ANO7: variants seen among roughly 807,000 people sequenced by gnomAD.
The protein encoded by ANO7 is anoctamin 7.
ANO7 carries 114 observed loss-of-function variants against 115.8 expected under a neutral mutation model. The ratio of observed to expected loss-of-function variants is 0.98; its 90% CI spans 0.85 to 1.15. The LOEUF is 1.15. Ranked by LOEUF, ANO7 falls within the 50% of genes most tolerant of loss-of-function variation. The pLI is 0.00. For missense variants in ANO7, 1,302 were observed against 1,201.2 expected (o/e 1.08, Z -1.24); for synonymous variants, 550 against 498.2 (o/e 1.10, Z -1.38).
At chr2:241,227,328 C>T (rs181622884), downstream of ANO7, 2 of 152,638 alleles carry the variant, frequency 1.3e-5, no homozygotes, top group African/African-American at 4.8e-5. Context: ...TATAAAATTC[C>T]AGTGTCATCC....
chr2:241,235,203 G>A, the ANO7 span: 16 of 1,614,086 alleles, frequency 9.9e-6, no homozygotes, highest in South Asian at 2.2e-5. Flanking sequence ...AGCGAGGCCC[G>A]TGATGGCGAT....
intron 22 of ANO7, 186 bp downstream of exon 22, chr2:241,223,462 AC>A (rs1207230569): frequency 9.7e-7 from 1 of 1,026,588 alleles, no homozygotes; most frequent in Non-Finnish European, 1.5e-6. Context: ...TGTGGTGTGG[AC>A]ATTGTGGGTG....
the ANO7 span, among the ~76,000 whole-genome samples, chr2:241,232,523 G>A: frequency 3.9e-5 from 6 of 152,140 alleles, no homozygotes; most frequent in African/African-American, 7.2e-5. Flanking sequence ...GGATCCACCC[G>A]CCTCGGCCTC....
At chr2:241,200,284 T>C in intron 6 of ANO7, 59 bp downstream of exon 6, 1 of 1,574,288 alleles carries the variant, frequency 6.4e-7, no homozygotes, top group African/African-American at 1.4e-5. Context: ...AGTCGGTGAA[T>C]GAGTGAGCGG....
intron 18 of ANO7, 119 bp downstream of exon 18, chr2:241,215,021 C>A: frequency 1.1e-6 from 1 of 936,390 alleles, no homozygotes; most frequent in Non-Finnish European, 1.6e-6. Context: ...AGGCACCTTG[C>A]CTGGGGAGGG....
intron 6 of ANO7, 75 bp downstream of exon 6, chr2:241,200,300 G>C: frequency 1.3e-6 from 2 of 1,550,872 alleles, no homozygotes; most frequent in Non-Finnish European, 1.7e-6. Flanking sequence ...AGCGGAACTT[G>C]GTGCTTCCCC....
intron 4 of ANO7, among the ~76,000 whole-genome samples, chr2:241,196,513 T>C (rs2068333551): frequency 6.6e-6 from 1 of 152,242 alleles, no homozygotes; most frequent in African/African-American, 2.4e-5. Flanking sequence ...ACCTGTCCTC[T>C]CCCTCTCCAC....
At chr2:241,213,592 C>A (rs1421973248) in intron 17 of ANO7, among the ~76,000 whole-genome samples, 1 of 152,200 alleles carries the variant, frequency 6.6e-6, no homozygotes, top group East Asian at 1.9e-4. Context: ...GCCCTCAAAA[C>A]TGTTCCCGAC....
intron 1 of ANO7, among the ~76,000 whole-genome samples, chr2:241,189,731 T>G (rs2068143478): frequency 6.6e-6 from 1 of 152,170 alleles, no homozygotes; most frequent in African/African-American, 2.4e-5. Flanking sequence ...CTGGGCCTTC[T>G]CAGGCTCCAC....
Position 241,224,346 on chromosome 2 carries a change from G to A in ANO7, c.*193G>A, listed in dbSNP as rs2149282547. The A allele has an allele frequency of 1.6e-6, 1 of 631,482 alleles. No homozygotes were observed. The highest frequency in any genetic ancestry group is 2.7e-6 in the Non-Finnish European group (1 of 368,336). 39.1% of individuals were successfully genotyped at this position (631,482 alleles called of 1,614,324 possible). Reference sequence around the variant, plus strand: ...CAGAGCGCCTGTCACTCCATCCCCGGCAGGGAGGGACCGTCAGCTCACAAG... The same window carrying A: ...CAGAGCGCCTGTCACTCCATCCCCGACAGGGAGGGACCGTCAGCTCACAAG... On this transcript the variant is annotated 3_prime_UTR_variant, in exon 25 of 25. Coordinates refer to ENST00000674324, the MANE Select transcript of ANO7 (RefSeq NM_001370694.2).
At chr2:241,234,110 C>T in the ANO7 span, 19 of 817,414 alleles carry the variant, frequency 2.3e-5, no homozygotes, top group East Asian at 5.2e-5. Flanking sequence ...CTCTCTGGTC[C>T]GACCTCTGCC....
intron 4 of ANO7, among the ~76,000 whole-genome samples, chr2:241,198,837 T>C (rs74772986): frequency 0.047 from 7,131 of 152,296 alleles, 398 homozygotes; most frequent in African/African-American, 0.12. Flanking sequence ...CATGTGAACA[T>C]AGACAGTAGT....
intron 3 of ANO7, among the ~76,000 whole-genome samples, chr2:241,194,472 G>A (rs1010876102): frequency 1.6e-4 from 24 of 151,694 alleles, no homozygotes; most frequent in African/African-American, 5.8e-4. Flanking sequence ...CGGCCACCAC[G>A]CCCAGCTAAT....
chr2:241,213,519 C>A (rs559718111), intron 17 of ANO7, among the ~76,000 whole-genome samples: 1 of 152,242 alleles, frequency 6.6e-6, no homozygotes, highest in Non-Finnish European at 1.5e-5. Flanking sequence ...AAGTAACTGA[C>A]GTGTGCATCA....
intron 1 of ANO7, among the ~76,000 whole-genome samples, chr2:241,189,633 C>T (rs1440682470): frequency 2.6e-5 from 4 of 152,100 alleles, no homozygotes; most frequent in Non-Finnish European, 4.4e-5. Context: ...CGAAGGCAGG[C>T]GACTTGAGGG....
At chr2:241,214,949 C>A in intron 18 of ANO7, 47 bp downstream of exon 18, 2 of 1,551,824 alleles carry the variant, frequency 1.3e-6, no homozygotes. Flanking sequence ...ACCGAGGGAC[C>A]CCAGAGCACC....
Position 241,203,974 on chromosome 2 carries a change from G to A in ANO7, c.889+476G>A, listed in dbSNP as rs1343443909. Among the ~76,000 whole-genome samples the A allele has an allele frequency of 2.6e-5, 4 of 152,154 alleles. No individual in the cohort carries two copies. Among genetic ancestry groups the A allele is most frequent in the Admixed American group, 2.6e-4 (4 of 15,266 alleles). ...TGGCACCCTCCCTTCCCCATCCTGG[G>A]TCAGACCCAACCCCTTCATTCTGTG... On this transcript the variant is annotated intron_variant, in intron 9 of 24. Coordinates refer to ENST00000674324, the MANE Select transcript of ANO7 (RefSeq NM_001370694.2). The surrounding 1 kb of genome is among the most constrained non-coding windows in gnomAD (Gnocchi z 4.8).
At chr2:241,201,630 G>A (rs897808191) in intron 7 of ANO7, among the ~76,000 whole-genome samples, 6 of 152,372 alleles carry the variant, frequency 3.9e-5, no homozygotes, top group Non-Finnish European at 8.8e-5. Context: ...TGGGACAGCC[G>A]AGACTAGCCC....
intron 6 of ANO7, 149 bp from the exon 7 acceptor site, chr2:241,201,149 C>A: frequency 1.2e-6 from 1 of 829,606 alleles, no homozygotes; most frequent in South Asian, 2.6e-5. Flanking sequence ...AGGGCTGTGT[C>A]CGCAGGCCTG....
Sources: gnomAD v4.1 joint callset for allele counts (sites outside exome capture counted in the v4.1 genomes callset) on GRCh38, gnomAD v4.1.1 for gene constraint, Gnocchi (gnomAD v3.1) non-coding constraint, MANE v1.5 for transcripts, NCBI Gene and HGNC (gene_info 2026-07-23, HGNC 2026-07-21) for gene names.